Variants in LARGE1 observed in about 807,000 individuals in gnomAD.
LARGE1 encodes LARGE xylosyl- and glucuronyltransferase 1.
LARGE1 carries 43 observed loss-of-function variants against 87.6 expected under a neutral mutation model. That is an observed-to-expected ratio of 0.49 (90% CI 0.38 to 0.63). LARGE1 has a LOEUF of 0.63. Among genes scored for constraint, LARGE1 ranks in the 30% least tolerant of loss-of-function variants. LARGE1 has a pLI of 0.00. For synonymous variants in LARGE1, 434 were observed against 394.6 expected (o/e 1.10, Z -1.18); for missense variants, 802 against 1,000.2 (o/e 0.80, Z 2.67).
At chr22:33,160,292 TGGAA>T (rs754460732), downstream of LARGE1, among the ~76,000 whole-genome samples, 22 of 152,218 alleles carry the variant, frequency 1.4e-4, no homozygotes, top group Non-Finnish European at 3.2e-4. Flanking sequence ...TGAGGACAGT[TGGAA>T]GGAGGAAGAG....
intron 5 of LARGE1, among the ~76,000 whole-genome samples, chr22:33,589,794 T>G (rs1471258213): frequency 6.6e-6 from 1 of 152,214 alleles, no homozygotes; most frequent in Admixed American, 6.5e-5. Flanking sequence ...AAACAGACTA[T>G]AATTTTAGTT....
At chr22:33,712,577 T>C (rs1011009590) in intron 2 of LARGE1, among the ~76,000 whole-genome samples, 3 of 149,702 alleles carry the variant, frequency 2.0e-5, no homozygotes, top group Non-Finnish European at 3.0e-5. Flanking sequence ...AAGAAATGGG[T>C]AGAGAAGTGG....
chr22:33,815,396 CTCATTA>C (rs1430441366), intron 1 of LARGE1, among the ~76,000 whole-genome samples: 1 of 152,152 alleles, frequency 6.6e-6, no homozygotes. Context: ...TCATGCAAAC[CTCATTA>C]AGAGGCACAG....
intron 7 of LARGE1, among the ~76,000 whole-genome samples, chr22:33,430,578 G>A (rs1357304439): frequency 6.6e-6 from 1 of 152,034 alleles, no homozygotes; most frequent in Non-Finnish European, 1.5e-5. Flanking sequence ...TGCCTGGTAG[G>A]CATTACAGGA....
At chr22:33,325,678 AGGAGTCTG>A (rs5845078) in intron 10 of LARGE1, among the ~76,000 whole-genome samples, 43,319 of 151,842 alleles carry the variant, frequency 0.29, 6,780 homozygotes, top group Non-Finnish European at 0.37. Context: ...GGACCAATTA[AGGAGTCTG>A]GGAGGCCCCG....
At chr22:33,818,879 C>T (rs2086735488) in intron 1 of LARGE1, among the ~76,000 whole-genome samples, 1 of 152,132 alleles carries the variant, frequency 6.6e-6, no homozygotes, top group Non-Finnish European at 1.5e-5. Context: ...GAAGTCTGTA[C>T]ACTGTGGTCT....
intron 9 of LARGE1, among the ~76,000 whole-genome samples, chr22:33,351,533 G>A (rs983177286): frequency 2.0e-5 from 3 of 151,668 alleles, no homozygotes; most frequent in Non-Finnish European, 4.4e-5. Flanking sequence ...ATAACCCAAA[G>A]TATAAAATAA....
the LARGE1 span, among the ~76,000 whole-genome samples, chr22:33,102,174 TC>T: frequency 1.5e-5 from 2 of 134,946 alleles, no homozygotes; most frequent in African/African-American, 2.7e-5. Context: ...TTTTTTTTTT[TC>T]CTTTTTTTTT....
chr22:33,553,227 G>A (rs765349441), intron 6 of LARGE1, among the ~76,000 whole-genome samples: 19 of 152,098 alleles, frequency 1.2e-4, no homozygotes, highest in Non-Finnish European at 1.5e-4. Context: ...ATGACTCAGC[G>A]GGGCACAGTG....
intron 9 of LARGE1, among the ~76,000 whole-genome samples, chr22:33,345,776 A>C (rs1032783848): frequency 6.6e-6 from 1 of 152,228 alleles, no homozygotes; most frequent in Non-Finnish European, 1.5e-5. Flanking sequence ...AGAAGAAAGC[A>C]GTTCAAAGGC....
chr22:33,185,140 T>C (rs1369792623), intron 11 of LARGE1, among the ~76,000 whole-genome samples: 1 of 152,170 alleles, frequency 6.6e-6, no homozygotes, highest in Non-Finnish European at 1.5e-5. Flanking sequence ...TTGTCCAAAC[T>C]TGAAAGCAAC....
intron 11 of LARGE1, chr22:33,305,576 A>G (rs774819297): frequency 1.4e-5 from 14 of 985,150 alleles, no homozygotes; most frequent in Non-Finnish European, 1.6e-5. Flanking sequence ...CAGAATGCCC[A>G]CTTTATTCGG....
intron 1 of LARGE1, among the ~76,000 whole-genome samples, chr22:33,832,521 G>T (rs1311036774): frequency 6.6e-6 from 1 of 152,176 alleles, no homozygotes; most frequent in Non-Finnish European, 1.5e-5. Context: ...AGAGCCCCCA[G>T]GCTTCACGCA....
At chr22:33,624,182 A>G (rs962533687) in intron 4 of LARGE1, among the ~76,000 whole-genome samples, 1 of 152,196 alleles carries the variant, frequency 6.6e-6, no homozygotes, top group Admixed American at 6.5e-5. Context: ...TTTATTAATG[A>G]ACTCCCCCAG....
intron 11 of LARGE1, among the ~76,000 whole-genome samples, chr22:33,309,737 G>GGGAT (rs1407579554): frequency 6.6e-6 from 1 of 152,160 alleles, no homozygotes; most frequent in African/African-American, 2.4e-5. Context: ...CCAAGAAGAG[G>GGGAT]GGATGGCCCT....
intron 6 of LARGE1, among the ~76,000 whole-genome samples, chr22:33,532,911 C>G (rs2076939718): frequency 6.6e-6 from 1 of 152,114 alleles, no homozygotes; most frequent in South Asian, 2.1e-4. Context: ...AGCTAGTGCC[C>G]CAAAGGGCCA....
At chr22:33,851,033 A>AAACAAGC (rs2063569304) in intron 1 of LARGE1, among the ~76,000 whole-genome samples, 2 of 152,220 alleles carry the variant, frequency 1.3e-5, no homozygotes, top group East Asian at 3.8e-4. Context: ...CACCTGGCTT[A>AAACAAGC]TGGGTGAAAC....
At chr22:33,144,485 T>C in the LARGE1 span, among the ~76,000 whole-genome samples, 1 of 152,158 alleles carries the variant, frequency 6.6e-6, no homozygotes, top group Non-Finnish European at 1.5e-5. Flanking sequence ...ACATATATAG[T>C]TGTTGCATAT....
intron 1 of LARGE1, among the ~76,000 whole-genome samples, chr22:33,891,008 CCATATGGTTCTGTGCATATGGGAAGCTG>C (rs903874450): frequency 6.6e-6 from 1 of 151,502 alleles, no homozygotes; most frequent in Non-Finnish European, 1.5e-5. Flanking sequence ...ACCCTGGGCT[CCATATGGTTCTGTGCATATGGGAAGCTG>C]CATACGGTTC....
Sources: allele counts gnomAD v4.1 joint callset (sites outside exome capture counted in the v4.1 genomes callset), GRCh38; gene constraint gnomAD v4.1.1; transcripts MANE v1.5; gene names NCBI Gene and HGNC (gene_info 2026-07-23, HGNC 2026-07-21).